The following SEPHS1 variants were observed in gnomAD, a reference collection of about 807,000 sequenced individuals.
SEPHS1 encodes zincore component SEPHS1.
SEPHS1 carries 7 observed loss-of-function variants against 39.2 expected under a neutral mutation model. The observed-to-expected ratio is 0.18, with a 90% CI of 0.10 to 0.34. The LOEUF (loss-of-function observed/expected upper bound fraction) is 0.34, where lower values mean the gene tolerates loss of function less well. Among genes scored for constraint, SEPHS1 ranks in the 10% least tolerant of loss-of-function variants. SEPHS1 has a pLI of 1.00. For synonymous variants in SEPHS1, 190 were observed against 195.5 expected (o/e 0.97, Z 0.23); for missense variants, 253 against 514.5 (o/e 0.49, Z 4.92).
At chr10:13,347,367 T>A (rs1564456349) in intron 1 of SEPHS1, 2 of 151,692 alleles carry the variant, frequency 1.3e-5, no homozygotes, top group African/African-American at 4.8e-5. Flanking sequence ...CGGGGACACC[T>A]TCGGGCTCAG....
At chr10:13,323,600 G>A (rs888721365) in intron 7 of SEPHS1, among the ~76,000 whole-genome samples, 3 of 151,974 alleles carry the variant, frequency 2.0e-5, no homozygotes, top group South Asian at 2.1e-4. Flanking sequence ...TGATCCGCCC[G>A]CCCTGGCCTC....
At chr10:13,336,970 G>T (rs911138779) in intron 3 of SEPHS1, among the ~76,000 whole-genome samples, 17 of 152,146 alleles carry the variant, frequency 1.1e-4, no homozygotes, top group African/African-American at 4.1e-4. Flanking sequence ...GGCCAACATG[G>T]TAAAATGCTG....
chr10:13,335,622 C>T (rs750549823), intron 4 of SEPHS1, among the ~76,000 whole-genome samples: 1 of 150,332 alleles, frequency 6.7e-6, no homozygotes, highest in Non-Finnish European at 1.5e-5. Flanking sequence ...TGAGCTTGTG[C>T]CACTACACTC....
chr10:13,327,487 T>A (rs1177163154), intron 7 of SEPHS1, among the ~76,000 whole-genome samples: 1 of 152,170 alleles, frequency 6.6e-6, no homozygotes, highest in Non-Finnish European at 1.5e-5. Context: ...ATGGACAACT[T>A]TTTTCTGTAC....
At chr10:13,323,924 T>C (rs566212436) in intron 7 of SEPHS1, among the ~76,000 whole-genome samples, 1 of 152,270 alleles carries the variant, frequency 6.6e-6, no homozygotes, top group African/African-American at 2.4e-5. Context: ...CACTACATTT[T>C]GTTTATCCAT....
chr10:13,325,937 ACTC>A (rs1833261854), intron 7 of SEPHS1, among the ~76,000 whole-genome samples: 2 of 48,004 alleles, frequency 4.2e-5, no homozygotes, highest in African/African-American at 1.8e-4. Context: ...AAAAAAAGAG[ACTC>A]AGTCTCAAAA....
chr10:13,344,556 T>G (rs1833875713), intron 2 of SEPHS1, among the ~76,000 whole-genome samples: 1 of 152,158 alleles, frequency 6.6e-6, no homozygotes, highest in African/African-American at 2.4e-5. Context: ...ATGTACACTA[T>G]TTGGGTGATG....
chr10:13,338,225 T>C (rs1027848153), intron 3 of SEPHS1, among the ~76,000 whole-genome samples: 6 of 152,174 alleles, frequency 3.9e-5, no homozygotes, highest in African/African-American at 1.4e-4. Flanking sequence ...TAACCAGATA[T>C]CCGAATTAAT....
At chr10:13,346,764 T>C (rs1833935321) in intron 1 of SEPHS1, among the ~76,000 whole-genome samples, 2 of 152,166 alleles carry the variant, frequency 1.3e-5, no homozygotes. Flanking sequence ...GGCATCCAGT[T>C]ATTTTCCTAC....
chr10:13,333,653 C>T (rs1833535682), intron 5 of SEPHS1, among the ~76,000 whole-genome samples, 164 bp downstream of exon 5: 1 of 152,194 alleles, frequency 6.6e-6, no homozygotes, highest in Non-Finnish European at 1.5e-5. Flanking sequence ...ATTGGCCAGG[C>T]TGGTCTCAAA....
intron 8 of SEPHS1, among the ~76,000 whole-genome samples, chr10:13,321,162 C>T (rs990203916): frequency 6.6e-6 from 1 of 152,264 alleles, no homozygotes; most frequent in East Asian, 1.9e-4. Context: ...TACGGAATCT[C>T]CCAGGCAGCC....
intron 8 of SEPHS1, among the ~76,000 whole-genome samples, chr10:13,320,372 A>G (rs371332043): frequency 8.5e-4 from 129 of 151,710 alleles, no homozygotes; most frequent in East Asian, 1.8e-3. Context: ...TAGTAGAGAC[A>G]GGGTTTCACC....
At chr10:13,322,525 G>A (rs1489515421) in intron 8 of SEPHS1, among the ~76,000 whole-genome samples, 1 of 151,998 alleles carries the variant, frequency 6.6e-6, no homozygotes, top group Non-Finnish European at 1.5e-5. Context: ...GTAACCTAGG[G>A]GTATTACAGT....
intron 8 of SEPHS1, chr10:13,322,084 G>T: frequency 2.2e-6 from 1 of 454,250 alleles, no homozygotes; most frequent in Non-Finnish European, 4.4e-6. Flanking sequence ...AAAGAAAAAT[G>T]GCATTTTAAA....
rs758365025 is a variant in SEPHS1 at position 13,338,698 on chromosome 10, C to G, written c.297+7G>C. On this transcript the variant is annotated splice_region_variant and intron_variant, in intron 3 of 8. Transcript: ENST00000327347. ...CCAGTCACAAAAACACATCGGCTCA[C>G]GCTTACCATCATGTAAGGGTCGTCT... The G allele has an allele frequency of 6.2e-6, 10 of 1,609,574 alleles. No individual in the cohort carries two copies. The highest frequency in any genetic ancestry group is 4.0e-5 in the African/African-American group (3 of 74,852).
At chr10:13,336,200 G>A (rs773881714) in intron 4 of SEPHS1, 43 bp downstream of exon 4, 46 of 1,392,350 alleles carry the variant, frequency 3.3e-5, no homozygotes, top group Admixed American at 5.2e-5. Context: ...AGATGCCACC[G>A]GGACAACACG....
At chr10:13,322,783 GCTTT>G (rs1375981253) in intron 8 of SEPHS1, 48 bp downstream of exon 8, 7 of 1,552,990 alleles carry the variant, frequency 4.5e-6, no homozygotes, top group Non-Finnish European at 5.3e-6. Context: ...TTCTCGCTGA[GCTTT>G]CTGTTAGCCT....
chr10:13,341,455 G>GCC (rs35582737), intron 2 of SEPHS1, among the ~76,000 whole-genome samples: 85 of 143,308 alleles, frequency 5.9e-4, no homozygotes, highest in Non-Finnish European at 1.1e-3. Context: ...CCCCTGCACC[G>GCC]CCCCCGCCAG....
rs369713463 is a variant in SEPHS1 at position 13,343,337 on chromosome 10, G to A, written c.193+1421C>T. Among the ~76,000 whole-genome samples the A allele has an allele frequency of 5.9e-5, 9 of 152,184 alleles. No homozygotes were observed. The East Asian group carries it at 1.2e-3, about 20-fold the overall frequency. On this transcript the variant is annotated intron_variant, in intron 2 of 8. Transcript: ENST00000327347. ...TCCACAGCTTGGCCATCAGCTGGACGGCAGGAACTGTTTTCAAACTGAGCT... is the reference window on the plus strand; with the variant it reads ...TCCACAGCTTGGCCATCAGCTGGACAGCAGGAACTGTTTTCAAACTGAGCT...
Sources: gnomAD v4.1 joint callset for allele counts (sites outside exome capture counted in the v4.1 genomes callset) on GRCh38, gnomAD v4.1.1 for gene constraint, MANE v1.5 for transcripts, NCBI Gene and HGNC (gene_info 2026-07-23, HGNC 2026-07-21) for gene names.